Variants in MAGI2 observed in about 807,000 individuals in gnomAD.
MAGI2 encodes membrane associated guanylate kinase, WW and PDZ domain containing 2, also known as membrane-associated guanylate kinase, WW and PDZ domain-containing protein 2.
In MAGI2, 35 loss-of-function variants were observed where a neutral mutation model predicts 133.3. That is an observed-to-expected ratio of 0.26 (90% CI 0.20 to 0.35). MAGI2 has a LOEUF of 0.35. Ranked by LOEUF, MAGI2 falls within the 10% of genes least tolerant of loss-of-function variation. The pLI is 1.00. For synonymous variants in MAGI2, 729 were observed against 710.6 expected, an observed-to-expected ratio of 1.03 and a Z score of -0.41; for missense variants, 1,636 against 1,863.4, an observed-to-expected ratio of 0.88 and a Z score of 2.25.
intron 6 of MAGI2, among the ~76,000 whole-genome samples, chr7:78,405,974 C>T (rs1373434673): frequency 6.6e-6 from 1 of 151,804 alleles, no homozygotes; most frequent in Non-Finnish European, 1.5e-5. Context: ...TTTCATAAAA[C>T]ATCAGAATTT....
At chr7:79,382,600 T>A (rs1333961492) in intron 1 of MAGI2, among the ~76,000 whole-genome samples, 1 of 151,574 alleles carries the variant, frequency 6.6e-6, no homozygotes, top group East Asian at 1.9e-4. Context: ...GGGAAAGCAA[T>A]AGTGCTCCAC....
chr7:79,445,397 A>G (rs1487482729), intron 1 of MAGI2, among the ~76,000 whole-genome samples: 1 of 152,246 alleles, frequency 6.6e-6, no homozygotes, highest in Non-Finnish European at 1.5e-5. Flanking sequence ...AATGGGAGAA[A>G]ATTTTTGCAG....
chr7:78,714,291 T>C (rs1261876946), intron 2 of MAGI2, among the ~76,000 whole-genome samples: 1 of 152,168 alleles, frequency 6.6e-6, no homozygotes, highest in Non-Finnish European at 1.5e-5. Flanking sequence ...AAATAACATT[T>C]TAATATCCAA....
intron 10 of MAGI2, among the ~76,000 whole-genome samples, chr7:78,224,184 C>G (rs6951058): frequency 0.14 from 21,413 of 152,070 alleles, 1,845 homozygotes; most frequent in East Asian, 0.32. Context: ...AATTGGAGTA[C>G]AGGAGCAATG....
At chr7:78,225,061 G>A (rs568670425) in intron 10 of MAGI2, among the ~76,000 whole-genome samples, 4 of 152,192 alleles carry the variant, frequency 2.6e-5, no homozygotes, top group Non-Finnish European at 4.4e-5. Flanking sequence ...ACTACCTGCC[G>A]GCCTGGCTTC....
intron 12 of MAGI2, among the ~76,000 whole-genome samples, chr7:78,190,505 A>G (rs146494622): frequency 1.2e-3 from 180 of 152,270 alleles, no homozygotes; most frequent in African/African-American, 4.0e-3. Context: ...GGGTGGTGAA[A>G]AGTGAACTAT....
chr7:79,020,517 A>C (rs1809208928), intron 1 of MAGI2, among the ~76,000 whole-genome samples: 1 of 152,172 alleles, frequency 6.6e-6, no homozygotes, highest in South Asian at 2.1e-4. Context: ...CTGTAATCCC[A>C]GCACTTTGTG....
chr7:79,365,158 G>C (rs1416824416), intron 1 of MAGI2, among the ~76,000 whole-genome samples: 1 of 152,176 alleles, frequency 6.6e-6, no homozygotes. Context: ...TTAGCTATCA[G>C]AGATACGCAA....
chr7:78,430,451 T>C (rs1799687282), intron 6 of MAGI2, among the ~76,000 whole-genome samples: 1 of 151,958 alleles, frequency 6.6e-6, no homozygotes, highest in African/African-American at 2.4e-5. Context: ...AGTTAAGTAG[T>C]ATTCCAGGAA....
At chr7:79,334,771 A>G (rs1840317322) in intron 1 of MAGI2, among the ~76,000 whole-genome samples, 1 of 152,172 alleles carries the variant, frequency 6.6e-6, no homozygotes, top group Non-Finnish European at 1.5e-5. Context: ...AAGATTTGTA[A>G]TTGATAAAGT....
intron 14 of MAGI2, among the ~76,000 whole-genome samples, chr7:78,169,619 A>C (rs1033399960): frequency 2.0e-5 from 3 of 152,194 alleles, no homozygotes; most frequent in East Asian, 3.9e-4. Context: ...CTCTTTCTAC[A>C]TAGGAATGAA....
At chr7:78,252,139 TAA>T (rs59245045) in intron 10 of MAGI2, 3,241 of 122,182 alleles carry the variant, frequency 0.027, 98 homozygotes, top group African/African-American at 0.07. Flanking sequence ...CCCTGTCTAT[TAA>T]AAAAAAAAAA....
intron 1 of MAGI2, among the ~76,000 whole-genome samples, chr7:79,010,499 C>T (rs768409311): frequency 1.4e-4 from 21 of 152,024 alleles, no homozygotes; most frequent in Non-Finnish European, 2.6e-4. Flanking sequence ...TAAATGTTAT[C>T]TATTGTTAAA....
chr7:78,631,426 C>T (rs940401080), intron 2 of MAGI2, among the ~76,000 whole-genome samples: 3 of 152,188 alleles, frequency 2.0e-5, no homozygotes, highest in Non-Finnish European at 4.4e-5. Flanking sequence ...CTCCTTCTTT[C>T]AGTTCATCGC....
intron 7 of MAGI2, among the ~76,000 whole-genome samples, chr7:78,360,679 T>C (rs1479154374): frequency 6.6e-6 from 1 of 152,186 alleles, no homozygotes; most frequent in Non-Finnish European, 1.5e-5. Context: ...CTGGGTTGCC[T>C]AGCAATGAGC....
chr7:78,930,334 T>C (rs1196870372), intron 2 of MAGI2, among the ~76,000 whole-genome samples: 1 of 152,154 alleles, frequency 6.6e-6, no homozygotes, highest in Admixed American at 6.6e-5. Flanking sequence ...GAACTCTAAT[T>C]GTCTTCAGTG....
intron 20 of MAGI2, among the ~76,000 whole-genome samples, chr7:78,084,278 G>T (rs1247490003): frequency 6.6e-6 from 1 of 152,144 alleles, no homozygotes; most frequent in Non-Finnish European, 1.5e-5. Context: ...GAGGTCACAG[G>T]CTAATGCCAT....
At position 78,804,579 on chromosome 7, in the gene MAGI2, T is replaced by G. The variant is rs1788358165; in HGVS notation, c.419-177340A>C. Among the ~76,000 whole-genome samples, 3 of 149,932 alleles carry G rather than the reference T, an allele frequency of 2.0e-5. No individual in the cohort carries two copies. The South Asian group carries it at 6.3e-4, about 32-fold the overall frequency. The stretch of plus-strand genomic sequence containing the variant: ...CTGGCTAACACGGTGAAACCCCGTC[T>G]CTACTAAAAATACAAAAAAATTAGC... On this transcript the variant is annotated intron_variant, in intron 2 of 21. Coordinates refer to ENST00000354212, the MANE Select transcript of MAGI2 (RefSeq NM_012301.4).
intron 6 of MAGI2, among the ~76,000 whole-genome samples, chr7:78,435,594 G>C (rs1800210004): frequency 1.3e-5 from 2 of 152,116 alleles, no homozygotes; most frequent in Admixed American, 1.3e-4. Context: ...GCAAGCAGAA[G>C]TGATTGGAAC....
Sources: allele counts gnomAD v4.1 joint callset (sites outside exome capture counted in the v4.1 genomes callset), GRCh38; gene constraint gnomAD v4.1.1; transcripts MANE v1.5; gene names NCBI Gene and HGNC (gene_info 2026-07-23, HGNC 2026-07-21).